AP1B1: variants seen among roughly 807,000 people sequenced by gnomAD.
AP1B1 encodes adaptor related protein complex 1 subunit beta 1.
Under a neutral mutation model 104.3 loss-of-function variants are expected in AP1B1, and 36 were observed. The ratio of observed to expected loss-of-function variants is 0.35; its 90% CI spans 0.26 to 0.46. The LOEUF is 0.46. Among genes scored for constraint, AP1B1 ranks in the 20% least tolerant of loss-of-function variants. AP1B1 has a pLI of 1.00. For synonymous variants in AP1B1, 504 were observed against 517.5 expected, an observed-to-expected ratio of 0.97 and a Z score of 0.35; for missense variants, 901 against 1,247.9, an observed-to-expected ratio of 0.72 and a Z score of 4.19.
At chr22:29,342,159 C>T in intron 12 of AP1B1, 126 bp downstream of exon 12, 1 of 767,222 alleles carries the variant, frequency 1.3e-6, no homozygotes. Context: ...GGGCTGGAAG[C>T]CAGTCCCACC....
chr22:29,359,599 G>A, intron 4 of AP1B1: 1 of 481,312 alleles, frequency 2.1e-6, no homozygotes, highest in Non-Finnish European at 3.6e-6. Flanking sequence ...GGATCAACAG[G>A]CCTGGCAGGA....
intron 1 of AP1B1, among the ~76,000 whole-genome samples, chr22:29,385,897 G>A (rs2062514771): frequency 6.6e-6 from 1 of 152,188 alleles, no homozygotes; most frequent in African/African-American, 2.4e-5. Context: ...AGTTTCAGAG[G>A]ATGACTAGAA....
chr22:29,373,640 G>A (rs1404977414), intron 1 of AP1B1, among the ~76,000 whole-genome samples: 1 of 152,036 alleles, frequency 6.6e-6, no homozygotes, highest in Non-Finnish European at 1.5e-5. Context: ...TGGGCGCAGA[G>A]GCCTGTAATC....
chr22:29,332,104 A>C, intron 17 of AP1B1, 188 bp from the exon 18 acceptor site: 3 of 578,836 alleles, frequency 5.2e-6, no homozygotes, highest in Non-Finnish European at 8.8e-6. Context: ...GGCCATCTGG[A>C]CAGAAAGAAA....
intron 22 of AP1B1, chr22:29,329,108 A>T (rs2061518899): frequency 7.3e-7 from 1 of 1,371,050 alleles, no homozygotes; most frequent in African/African-American, 1.5e-5. Flanking sequence ...CAGCCCACAC[A>T]CCTGCTGTCA....
At chr22:29,330,801 T>C in intron 19 of AP1B1, 92 bp from the exon 20 acceptor site, 2 of 1,088,018 alleles carry the variant, frequency 1.8e-6, no homozygotes, top group Admixed American at 4.2e-5. Flanking sequence ...TGGCCTTTAC[T>C]GTGCCACGTG....
rs1189969940 is a variant in AP1B1 at position 29,341,738 on chromosome 22, C to T, written c.1559G>A (p.Arg520Gln). The T allele has an allele frequency of 1.9e-6, 3 of 1,612,492 alleles. No individual in the cohort carries two copies. Among genetic ancestry groups the T allele is most frequent in the East Asian group, 2.2e-5 (1 of 44,836 alleles). Residue 520 changes from arginine (R) to glutamine (Q), a missense_variant, in exon 13 of 23, where the codon CGG becomes CAG. By Grantham distance (43) the Arg-to-Gln change is conservative. Transcript: ENST00000357586. ...GCGCCAGTAGATGTAGCCACGGTCC[C>T]GCAGGTCTGGGTTATCTGAGTCCTT... The part of the protein sequence containing the change: ...ATQDSDNPDL[R>Q]DRGYIYWRLL...
intron 1 of AP1B1, among the ~76,000 whole-genome samples, chr22:29,386,460 T>C (rs748923423): frequency 2.0e-5 from 3 of 152,162 alleles, no homozygotes; most frequent in African/African-American, 4.8e-5. Flanking sequence ...CTCATGACAG[T>C]TTCTAAGAGG....
Position 29,340,671 on chromosome 22 carries a change from A to C in AP1B1, c.1983T>G (p.Gly661=). The C allele has an allele frequency of 3.8e-6, 6 of 1,561,938 alleles. No individual in the cohort carries two copies. The highest frequency in any genetic ancestry group is 4.3e-6 in the Non-Finnish European group (5 of 1,151,580). Residue 661 remains glycine (G), a synonymous_variant, in exon 14 of 23, where the codon GGT becomes GGG. Transcript: ENST00000357586. ...VQMGAVDLLG[G]GLDSLMGDEP... ...CACAACATACCAGGCTGTCAAGGCC[A>C]CCGCCAAGAAGGTCCACAGCTCCCA...
intron 1 of AP1B1, among the ~76,000 whole-genome samples, chr22:29,379,339 A>G (rs188926263): frequency 1.3e-5 from 2 of 152,346 alleles, no homozygotes; most frequent in Admixed American, 6.5e-5. Flanking sequence ...AAAAAAAGAA[A>G]AAGTTCCTCT....
chr22:29,338,388 T>C (rs2061667390), intron 16 of AP1B1, among the ~76,000 whole-genome samples: 1 of 152,212 alleles, frequency 6.6e-6, no homozygotes, highest in Non-Finnish European at 1.5e-5. Flanking sequence ...GTTGCCACAG[T>C]CACAGTGACT....
At chr22:29,351,567 C>CCCAT (rs2061874795) in intron 8 of AP1B1, 138 bp downstream of exon 8, 1 of 1,184,298 alleles carries the variant, frequency 8.4e-7, no homozygotes, top group Admixed American at 2.7e-5. Context: ...CTTACGAAGC[C>CCCAT]CCATGTCCCA....
At chr22:29,354,534 A>T in intron 7 of AP1B1, 116 bp downstream of exon 7, 2 of 966,622 alleles carry the variant, frequency 2.1e-6, no homozygotes, top group Non-Finnish European at 1.6e-6. Flanking sequence ...ATTCTGGGTT[A>T]AGCTATTTGA....
chr22:29,358,474 T>C (rs145262843), intron 5 of AP1B1, among the ~76,000 whole-genome samples: 1 of 152,138 alleles, frequency 6.6e-6, no homozygotes, highest in Admixed American at 6.5e-5. Flanking sequence ...TCCATCTCAC[T>C]GATGAAGAAA....
At chr22:29,340,121 C>G (rs934438886) in intron 14 of AP1B1, among the ~76,000 whole-genome samples, 22 of 152,278 alleles carry the variant, frequency 1.4e-4, no homozygotes, top group Middle Eastern at 3.4e-3. Flanking sequence ...CATGGTCCTG[C>G]CAGTTGCCTG....
chr22:29,354,835 G>C lies in AP1B1; in HGVS notation c.753C>G (p.Ala251=). Residue 251 remains alanine (A), a synonymous_variant, in exon 7 of 23, where the codon GCC becomes GCG. Coordinates refer to ENST00000357586, the MANE Select transcript of AP1B1 (RefSeq NM_001127.4). ...CAGCAGAGAGCACCACAGCGGAGTT[G>C]GCATGGGAGAGCCTGGGGGTGACCC... The part of the protein sequence containing the change: ...CERVTPRLSH[A]NSAVVLSAVK... The C allele has an allele frequency of 6.2e-7, 1 of 1,614,108 alleles. No individual in the cohort carries two copies. Among genetic ancestry groups the C allele is most frequent in the Non-Finnish European group, 8.5e-7 (1 of 1,180,038 alleles).
Position 29,330,279 on chromosome 22 carries a change from T to C in AP1B1, c.2766+99A>G, listed in dbSNP as rs778322645. On this transcript the variant is annotated intron_variant, in intron 21 of 22. Transcript: ENST00000357586. Reference sequence around the variant, plus strand: ...AAACTGATTCTAGTTCAAGCCAGGCTTGAAGGGACGCTTGGACCGCGTCCT... The same window carrying C: ...AAACTGATTCTAGTTCAAGCCAGGCCTGAAGGGACGCTTGGACCGCGTCCT... 5.7e-6 allele frequency: 9 copies of C among 1,566,434 alleles called. No homozygotes were observed. The East Asian group carries it at 2.1e-4, about 36-fold the overall frequency.
At chr22:29,334,225 C>T in intron 17 of AP1B1, 40 bp downstream of exon 17, 1 of 1,536,252 alleles carries the variant, frequency 6.5e-7, no homozygotes, top group Non-Finnish European at 8.7e-7. Context: ...CTCTCACAGG[C>T]CTCCTCTTGA....
chr22:29,386,826 C>T (rs1001416304), intron 1 of AP1B1, among the ~76,000 whole-genome samples: 10 of 152,152 alleles, frequency 6.6e-5, no homozygotes, highest in African/African-American at 1.2e-4. Flanking sequence ...AGTGAATATC[C>T]GCAATGGAAT....
Sources: allele counts gnomAD v4.1 joint callset (sites outside exome capture counted in the v4.1 genomes callset), GRCh38; gene constraint gnomAD v4.1.1; transcripts MANE v1.5; gene names NCBI Gene and HGNC (gene_info 2026-07-23, HGNC 2026-07-21).